Variants in NSMCE2 observed in about 807,000 individuals in gnomAD.
The protein encoded by NSMCE2 is NSE2 SUMO ligase component of SMC5/6 complex, also known as E3 SUMO-protein ligase NSE2.
NSMCE2 carries 24 observed loss-of-function variants against 23.8 expected under a neutral mutation model. The observed-to-expected ratio is 1.01, with a 90% CI of 0.73 to 1.42. NSMCE2 has a LOEUF of 1.42. Ranked by LOEUF, NSMCE2 falls within the 40% of genes most tolerant of loss-of-function variation. The probability of loss-of-function intolerance (pLI) is 0.00; values close to 1 mark genes in which losing one functional copy is unlikely to be tolerated. For synonymous variants in NSMCE2, 92 were observed against 94.1 expected, an observed-to-expected ratio of 0.98 and a Z score of 0.13; for missense variants, 284 against 296.5, an observed-to-expected ratio of 0.96 and a Z score of 0.31.
At chr8:125,264,320 A>T (rs1826825680) in intron 5 of NSMCE2, among the ~76,000 whole-genome samples, 1 of 152,230 alleles carries the variant, frequency 6.6e-6, no homozygotes, top group Admixed American at 6.5e-5. Context: ...AGGATGGAGA[A>T]CATATGCCTT....
At chr8:125,128,085 G>A (rs1819597659) in intron 3 of NSMCE2, among the ~76,000 whole-genome samples, 1 of 152,194 alleles carries the variant, frequency 6.6e-6, no homozygotes, top group Non-Finnish European at 1.5e-5. Context: ...CATGGCCATT[G>A]TGCTTTGAGC....
chr8:125,291,234 G>T (rs1828093231), intron 5 of NSMCE2, among the ~76,000 whole-genome samples: 1 of 152,114 alleles, frequency 6.6e-6, no homozygotes, highest in Non-Finnish European at 1.5e-5. Context: ...AGAGACTGGA[G>T]GTGGTAATCA....
At chr8:125,242,555 G>A in intron 5 of NSMCE2, among the ~76,000 whole-genome samples, 1 of 151,934 alleles carries the variant, frequency 6.6e-6, no homozygotes, top group Non-Finnish European at 1.5e-5. Flanking sequence ...AGCAAGAACT[G>A]TTAGCTTATG....
At chr8:125,142,288 A>G (rs1393104670) in intron 3 of NSMCE2, among the ~76,000 whole-genome samples, 1 of 152,174 alleles carries the variant, frequency 6.6e-6, no homozygotes, top group African/African-American at 2.4e-5. Flanking sequence ...ATAAAAGGAA[A>G]TTGAGACTCT....
chr8:125,252,266 C>T lies in NSMCE2; in HGVS notation c.418+70010C>T, dbSNP rs568431846. Among the ~76,000 whole-genome samples, 24 of 152,318 alleles carry T rather than the reference C, an allele frequency of 1.6e-4. No homozygotes were observed. The South Asian group carries it at 1.7e-3, about 11-fold the overall frequency. On this transcript the variant is annotated intron_variant, in intron 5 of 7. Transcript: ENST00000287437. The stretch of plus-strand genomic sequence containing the variant: ...CCTACCGGCCGGGCACAGTGGCTCA[C>T]GCCTATAATCCCAGCACTTTGAGAG...
At chr8:125,231,551 A>G (rs1050473424) in intron 5 of NSMCE2, among the ~76,000 whole-genome samples, 3 of 152,186 alleles carry the variant, frequency 2.0e-5, no homozygotes, top group East Asian at 1.9e-4. Flanking sequence ...CATTCCTACC[A>G]TAGCACTTTT....
At chr8:125,320,233 A>AGGGAAGGG (rs1280474045) in intron 5 of NSMCE2, among the ~76,000 whole-genome samples, 742 of 20,238 alleles carry the variant, frequency 0.037, 45 homozygotes, top group East Asian at 0.067. Flanking sequence ...GGAGGGAGGG[A>AGGGAAGGG]AGGGAGGGAG....
At chr8:125,276,839 C>G (rs1827467617) in intron 5 of NSMCE2, among the ~76,000 whole-genome samples, 1 of 152,206 alleles carries the variant, frequency 6.6e-6, no homozygotes, top group South Asian at 2.1e-4. Flanking sequence ...TTTCACTGAC[C>G]TGCCAAATGC....
intron 5 of NSMCE2, among the ~76,000 whole-genome samples, chr8:125,298,814 G>A (rs1249014005): frequency 3.3e-5 from 5 of 151,660 alleles, no homozygotes; most frequent in Non-Finnish European, 7.4e-5. Context: ...AGAATAAGCA[G>A]GGTGATGGGT....
At chr8:125,311,821 G>A (rs920826422) in intron 5 of NSMCE2, among the ~76,000 whole-genome samples, 1 of 152,218 alleles carries the variant, frequency 6.6e-6, no homozygotes, top group African/African-American at 2.4e-5. Context: ...GCTCACGCCT[G>A]TAATCCCAGC....
intron 5 of NSMCE2, among the ~76,000 whole-genome samples, chr8:125,340,075 C>A (rs1378328169): frequency 8.2e-6 from 1 of 121,932 alleles, no homozygotes; most frequent in African/African-American, 3.2e-5. Context: ...AGTGCAGTGG[C>A]GCAATCTCGG....
intron 3 of NSMCE2, among the ~76,000 whole-genome samples, chr8:125,115,850 G>T (rs1422426707): frequency 1.3e-5 from 2 of 152,230 alleles, no homozygotes; most frequent in East Asian, 3.8e-4. Context: ...GTGAAGAAAA[G>T]GGAGCTGTCA....
At chr8:125,301,037 A>G (rs1828542807) in intron 5 of NSMCE2, among the ~76,000 whole-genome samples, 2 of 152,198 alleles carry the variant, frequency 1.3e-5, no homozygotes, top group Non-Finnish European at 2.9e-5. Context: ...TGTCACAATC[A>G]TTAACTATTT....
chr8:125,216,314 G>T (rs1245545095), intron 5 of NSMCE2, among the ~76,000 whole-genome samples: 1 of 152,058 alleles, frequency 6.6e-6, no homozygotes, highest in Non-Finnish European at 1.5e-5. Context: ...GTTCTTTTTT[G>T]TGTATATATC....
At chr8:125,218,302 A>G (rs1421170147) in intron 5 of NSMCE2, among the ~76,000 whole-genome samples, 1 of 152,190 alleles carries the variant, frequency 6.6e-6, no homozygotes, top group Non-Finnish European at 1.5e-5. Flanking sequence ...ACAGACAGGT[A>G]GGTTTAATTA....
intron 3 of NSMCE2, among the ~76,000 whole-genome samples, chr8:125,120,064 T>G (rs899093123): frequency 7.4e-4 from 112 of 152,318 alleles, no homozygotes; most frequent in African/African-American, 2.5e-3. Context: ...TAAAATATTT[T>G]AACATATAAT....
chr8:125,113,317 G>A (rs904466568), intron 3 of NSMCE2, among the ~76,000 whole-genome samples: 1 of 152,050 alleles, frequency 6.6e-6, no homozygotes, highest in African/African-American at 2.4e-5. Context: ...GTGAAACCTT[G>A]TCTCTACAAA....
chr8:125,139,308 T>C (rs1373048791), intron 3 of NSMCE2, among the ~76,000 whole-genome samples: 1 of 152,250 alleles, frequency 6.6e-6, no homozygotes, highest in African/African-American at 2.4e-5. Context: ...TAAATATTTG[T>C]TGAATGAGTG....
chr8:125,197,256 T>C (rs1026613053), intron 5 of NSMCE2, among the ~76,000 whole-genome samples: 3 of 152,172 alleles, frequency 2.0e-5, no homozygotes, highest in Non-Finnish European at 2.9e-5. Flanking sequence ...GGTGTTTTAG[T>C]CATGAAGTCC....
Sources: gnomAD v4.1 joint callset for allele counts (sites outside exome capture counted in the v4.1 genomes callset) on GRCh38, gnomAD v4.1.1 for gene constraint, MANE v1.5 for transcripts, NCBI Gene and HGNC (gene_info 2026-07-23, HGNC 2026-07-21) for gene names.